The following CEP164 variants were observed in gnomAD, a reference collection of about 807,000 sequenced individuals.
CEP164 encodes the protein centrosomal protein of 164 kDa.
Under a neutral mutation model 182.7 loss-of-function variants are expected in CEP164, and 162 were observed. The ratio of observed to expected loss-of-function variants is 0.89; its 90% CI spans 0.78 to 1.01. The LOEUF is 1.01. CEP164 is among the 50% of genes least tolerant of loss of function. CEP164 has a pLI of 0.00. For synonymous variants in CEP164, 661 were observed against 690.0 expected (o/e 0.96, Z 0.66); for missense variants, 1,735 against 1,790.4 (o/e 0.97, Z 0.56).
chr11:117,357,474 T>C (rs1193133935), intron 5 of CEP164, among the ~76,000 whole-genome samples: 2 of 148,398 alleles, frequency 1.3e-5, no homozygotes, highest in African/African-American at 5.0e-5. Flanking sequence ...CAGGCTGGAG[T>C]GCAATGGTGC....
At chr11:117,337,958 C>T (rs2037467639) in intron 2 of CEP164, among the ~76,000 whole-genome samples, 1 of 152,278 alleles carries the variant, frequency 6.6e-6, no homozygotes, top group South Asian at 2.1e-4. Flanking sequence ...TTTAGAATGC[C>T]TTTCTCCCCC....
At chr11:117,380,912 A>G (rs2043246568) in intron 12 of CEP164, among the ~76,000 whole-genome samples, 1 of 152,166 alleles carries the variant, frequency 6.6e-6, no homozygotes, top group African/African-American at 2.4e-5. Flanking sequence ...ATGTGTGTAT[A>G]TGTTTGCATG....
Position 117,393,146 on chromosome 11 carries a change from T to A in CEP164, c.2616+20T>A. 1 of 1,609,042 alleles carries A rather than the reference T, an allele frequency of 6.2e-7. No homozygotes were observed. Among genetic ancestry groups the A allele is most frequent in the South Asian group, 1.1e-5 (1 of 90,708 alleles). On this transcript the variant is annotated intron_variant, in intron 20 of 32. Coordinates refer to ENST00000278935, the MANE Select transcript of CEP164 (RefSeq NM_014956.5). ...GCTGAGGTAGCTCAGCCACATCCCC[T>A]GCGCGCATGCACACACATGCACACA...
At position 117,409,865 on chromosome 11, in the gene CEP164, C is replaced by T. The variant is rs199648719; in HGVS notation, c.3996C>T (p.Thr1332=). ...TATCATCTGCTACACCCACGTCCACCCAATGGGCCTGGGATTCAGGGCAGG... is the reference window on the plus strand; with the variant it reads ...TATCATCTGCTACACCCACGTCCACTCAATGGGCCTGGGATTCAGGGCAGG... ...SALSSATPTS[T]QWAWDSGQGP... Residue 1332 remains threonine (T), a synonymous_variant, in exon 30 of 33, where the codon ACC becomes ACT. Coordinates refer to ENST00000278935, the MANE Select transcript of CEP164 (RefSeq NM_014956.5). This position sits in a 1 kb window ranked among gnomAD's most constrained non-coding sequence, Gnocchi z 4.4. 14 of 1,613,860 alleles carry T rather than the reference C, an allele frequency of 8.7e-6. No individual in the cohort carries two copies. In the South Asian group the frequency reaches 8.8e-5, roughly 10 times the overall value.
At chr11:117,388,565 G>T (rs771946124) in intron 15 of CEP164, among the ~76,000 whole-genome samples, 2 of 152,146 alleles carry the variant, frequency 1.3e-5, no homozygotes, top group Non-Finnish European at 2.9e-5. Context: ...AGCTGATCTT[G>T]TAACAAATAT....
chr11:117,356,313 T>C, intron 5 of CEP164: 12 of 1,130,344 alleles, frequency 1.1e-5, no homozygotes, highest in Non-Finnish European at 1.2e-5. Context: ...CCTGAGAGCA[T>C]GCAGGACATG....
chr11:117,381,545 G>A lies in CEP164; in HGVS notation c.1410-156G>A, dbSNP rs2043314637. Among the ~76,000 whole-genome samples the A allele has an allele frequency of 2.0e-5, 3 of 152,272 alleles. No homozygotes were observed. The South Asian group carries it at 6.2e-4, about 32-fold the overall frequency. ...TCCTTCCCACATGTGTGGCTGCCTT[G>A]CCCTGCTATGGCTCTCCATGGATGG... is the stretch of plus-strand genomic sequence containing the variant. On this transcript the variant is annotated intron_variant, in intron 12 of 32. Transcript: ENST00000278935.
At chr11:117,329,154 C>T (rs509894) in intron 1 of CEP164, among the ~76,000 whole-genome samples, 55,349 of 151,114 alleles carry the variant, frequency 0.37, 10,359 homozygotes, top group African/African-American at 0.44. Context: ...TGGTATTCAC[C>T]GGTGTGACCC....
chr11:117,398,471 G>C (rs552197541), intron 27 of CEP164, among the ~76,000 whole-genome samples: 26 of 152,230 alleles, frequency 1.7e-4, no homozygotes, highest in Non-Finnish European at 2.9e-4. Flanking sequence ...TAGGGACTTT[G>C]TGTGGGGGCT....
chr11:117,402,072 C>T (rs755370664), intron 27 of CEP164, among the ~76,000 whole-genome samples: 28 of 151,954 alleles, frequency 1.8e-4, no homozygotes, highest in South Asian at 4.2e-4. Context: ...GTTAGGGTGT[C>T]GATTTTAGAT....
chr11:117,387,419 C>T lies in CEP164; in HGVS notation c.1934+7C>T. On this transcript the variant is annotated splice_region_variant and intron_variant, in intron 15 of 32. Transcript: ENST00000278935. The stretch of plus-strand genomic sequence containing the variant: ...AGAAAGAGCAATCTCTCAGGTCCTG[C>T]CCTTCCCCTTAGGCATGCTTCCTGG... 6.2e-7 allele frequency: 1 copy of T among 1,613,678 alleles called. No homozygotes were observed.
rs983963996 is a variant in CEP164, at chr11:117,394,191, G to A, written c.2617-159G>A. 2.0e-5 allele frequency among the ~76,000 whole-genome samples: 3 copies of A among 152,210 alleles called. No individual in the cohort carries two copies. Among genetic ancestry groups the A allele is most frequent in the Admixed American group, 6.5e-5 (1 of 15,286 alleles). On this transcript the variant is annotated intron_variant, in intron 20 of 32. Transcript: ENST00000278935. This position sits in a 1 kb window ranked among gnomAD's most constrained non-coding sequence, Gnocchi z 4.0. Reference sequence around the variant, plus strand: ...CAGGCTTGCTGGGGCCAGGGCCGGTGCTGTGCTTGTAACCCTCCTCTTCTC... The same window carrying A: ...CAGGCTTGCTGGGGCCAGGGCCGGTACTGTGCTTGTAACCCTCCTCTTCTC...
At chr11:117,395,285 A>G in intron 23 of CEP164, 94 bp downstream of exon 23, 2 of 1,448,752 alleles carry the variant, frequency 1.4e-6, no homozygotes, top group Non-Finnish European at 1.9e-6. Flanking sequence ...TGATCTGTCC[A>G]GGGCACTGGG....
At chr11:117,374,955 T>C (rs2042585277) in intron 10 of CEP164, among the ~76,000 whole-genome samples, 1 of 152,222 alleles carries the variant, frequency 6.6e-6, no homozygotes, top group African/African-American at 2.4e-5. Context: ...GAGGGTGGGA[T>C]CGTGGGCCTG....
chr11:117,375,310 C>A lies in CEP164; in HGVS notation c.1234-398C>A, dbSNP rs1353689383. 5.9e-5 allele frequency among the ~76,000 whole-genome samples: 9 copies of A among 152,302 alleles called. No individual in the cohort carries two copies. The East Asian group carries it at 1.5e-3, about 26-fold the overall frequency. On this transcript the variant is annotated intron_variant, in intron 10 of 32. Coordinates refer to ENST00000278935, the MANE Select transcript of CEP164 (RefSeq NM_014956.5). The stretch of plus-strand genomic sequence containing the variant: ...GACCCCCAGGCCCCTTGCTTATCAG[C>A]TGTGTGACCCTGGGCGAGTTATATG...
At chr11:117,343,355 C>T (rs1401224224) in intron 3 of CEP164, among the ~76,000 whole-genome samples, 1 of 152,220 alleles carries the variant, frequency 6.6e-6, no homozygotes, top group Non-Finnish European at 1.5e-5. Context: ...CCATAGCATA[C>T]AGGACATGTC....
At chr11:117,325,242 G>A (rs577752506), upstream of CEP164, among the ~76,000 whole-genome samples, 8 of 147,016 alleles carry the variant, frequency 5.4e-5, no homozygotes, top group African/African-American at 1.0e-4. Context: ...GTGCCACCAC[G>A]CCCAGTGAAT....
At chr11:117,352,551 T>C (rs1228842568) in intron 5 of CEP164, among the ~76,000 whole-genome samples, 4 of 152,118 alleles carry the variant, frequency 2.6e-5, no homozygotes, top group Non-Finnish European at 5.9e-5. Context: ...CTTCAGTGAG[T>C]GGTGGGTAAC....
At chr11:117,347,279 A>C (rs1428366257) in intron 4 of CEP164, among the ~76,000 whole-genome samples, 1 of 152,214 alleles carries the variant, frequency 6.6e-6, no homozygotes, top group African/African-American at 2.4e-5. Context: ...TCTTCACACC[A>C]GTACCATTCT....
Sources: gnomAD v4.1 joint callset for allele counts (sites outside exome capture counted in the v4.1 genomes callset) on GRCh38, gnomAD v4.1.1 for gene constraint, Gnocchi (gnomAD v3.1) non-coding constraint, MANE v1.5 for transcripts, NCBI Gene and HGNC (gene_info 2026-07-23, HGNC 2026-07-21) for gene names.